BCORL1: variants seen among roughly 807,000 people sequenced by gnomAD.
BCORL1 encodes BCL-6 corepressor-like protein 1.
In BCORL1, 7 loss-of-function variants were observed where a neutral mutation model predicts 87.6. The observed-to-expected ratio is 0.08, with a 90% confidence interval of 0.05 to 0.15. The LOEUF (loss-of-function observed/expected upper bound fraction) is 0.15. Among genes scored for constraint, BCORL1 ranks in the 10% least tolerant of loss-of-function variants. BCORL1 has a pLI of 1.00. For missense variants in BCORL1, 1,215 were observed against 1,499.7 expected, an observed-to-expected ratio of 0.81 and a Z score of 3.13; for synonymous variants, 591 against 634.4, an observed-to-expected ratio of 0.93 and a Z score of 1.03.
chrX:129,994,560 C>T (rs1424675445), intron 1 of BCORL1, among the ~76,000 whole-genome samples: 2 of 43,502 alleles, frequency 4.6e-5, no homozygotes, highest in Non-Finnish European at 8.1e-5. Context: ...GAATGATAAA[C>T]GCTCATGTGT....
chrX:130,052,389 A>G (rs1189457131), intron 13 of BCORL1, among the ~76,000 whole-genome samples: 1 of 112,565 alleles, frequency 8.9e-6, no homozygotes, highest in Non-Finnish European at 1.9e-5. Flanking sequence ...TGGAAAAGCC[A>G]GGACATATGG....
At chrX:130,039,485 C>T (rs1343051648) in intron 11 of BCORL1, among the ~76,000 whole-genome samples, 2 of 112,868 alleles carry the variant, frequency 1.8e-5, no homozygotes, top group East Asian at 5.6e-4. Context: ...TATCCCCTTA[C>T]TGCAAGTGTG....
chrX:129,980,329 C>T (rs1350899471), upstream of BCORL1, among the ~76,000 whole-genome samples: 3 of 112,862 alleles, frequency 2.7e-5, no homozygotes, highest in Non-Finnish European at 3.8e-5. Context: ...CCGCTTCGCC[C>T]GCTTCCCCGG....
At chrX:130,054,665 G>A (rs889579565) in intron 13 of BCORL1, among the ~76,000 whole-genome samples, 4 of 110,602 alleles carry the variant, frequency 3.6e-5, no homozygotes, top group African/African-American at 9.9e-5. Flanking sequence ...TAATCCCAGC[G>A]CTTTGGGAGG....
intron 8 of BCORL1, among the ~76,000 whole-genome samples, chrX:130,030,825 G>A (rs1158915720): frequency 8.9e-6 from 1 of 112,191 alleles, no homozygotes; most frequent in Non-Finnish European, 1.9e-5. Context: ...TGGGTCCGCT[G>A]CAGTGTTCTC....
chrX:130,025,447 T>C, intron 7 of BCORL1, 68 bp downstream of exon 7: 1 of 1,016,127 alleles, frequency 9.8e-7, no homozygotes, highest in Non-Finnish European at 1.3e-6. Flanking sequence ...CGGGCATCTC[T>C]ACGCCAGCCA....
rs1264864793 is a variant in BCORL1, at chrX:130,041,301, GAGAC to G, written c.4840+2023_4840+2026del. On this transcript the variant is annotated intron_variant, in intron 11 of 13. Transcript: ENST00000540052. ...CTCAAAAAAAAAAAAAAAAAAAAAA[GAGAC>G]AGAGAGGAGAGAAATAAACACGTTT... Among the ~76,000 whole-genome samples the G allele has an allele frequency of 3.1e-3, 261 of 85,527 alleles. 9 individuals carry two copies. Among genetic ancestry groups the G allele is most frequent in the African/African-American group, 0.011 (231 of 21,317 alleles). The allele number at this position is 85,527 out of a possible 115,157, so 74.3% of individuals were successfully genotyped here.
intron 11 of BCORL1, among the ~76,000 whole-genome samples, chrX:130,044,114 A>G (rs888265051): frequency 6.5e-5 from 7 of 107,413 alleles, no homozygotes; most frequent in Non-Finnish European, 1.3e-4. Flanking sequence ...CATGTTGGCC[A>G]GGATGGTCTT....
chrX:130,027,780 G>C (rs771282022), intron 7 of BCORL1, among the ~76,000 whole-genome samples: 2 of 112,157 alleles, frequency 1.8e-5, no homozygotes, highest in African/African-American at 6.5e-5. Context: ...CTGAGGCTCA[G>C]AGCAATTAGG....
chrX:130,041,300 A>AG (rs1931299152), intron 11 of BCORL1, among the ~76,000 whole-genome samples: 3 of 101,954 alleles, frequency 2.9e-5, no homozygotes, highest in Non-Finnish European at 5.8e-5. Flanking sequence ...AAAAAAAAAA[A>AG]GAGACAGAGA....
At chrX:129,982,844 G>T (rs913118420) in intron 1 of BCORL1, 82 bp downstream of exon 1, 39 of 110,801 alleles carry the variant, frequency 3.5e-4, no homozygotes, top group African/African-American at 1.2e-3. Flanking sequence ...GTAAGAGGGA[G>T]CCCGGGTGGC....
At chrX:130,012,710 G>A (rs746644033) in intron 3 of BCORL1, 42 bp downstream of exon 3, 1 of 1,129,256 alleles carries the variant, frequency 8.9e-7, no homozygotes, top group East Asian at 3.0e-5. Flanking sequence ...ACCAAAGGAT[G>A]GAGCTGAGCT....
chrX:130,056,185 C>T lies in BCORL1; in HGVS notation c.*49C>T. 1 of 1,090,396 alleles carries T rather than the reference C, an allele frequency of 9.2e-7. No homozygotes were observed. Among genetic ancestry groups the T allele is most frequent in the Non-Finnish European group, 1.2e-6 (1 of 826,658 alleles). The allele number at this position is 1,090,396 out of a possible 1,213,427, so 89.9% of individuals were successfully genotyped here. A position where few individuals can be genotyped will look rare whatever the true frequency, so the allele number is the denominator to read the frequency against. On this transcript the variant is annotated 3_prime_UTR_variant, in exon 14 of 14. Transcript: ENST00000540052. ...CTTTCTCCTTCCGAGTTCGCCCTTC[C>T]CCCACCTCCTTGTCTTTCCCCGACC...
Position 130,021,049 on chromosome X carries a change from C to T in BCORL1, c.3506C>T (p.Ser1169Leu), listed in dbSNP as rs769316176. Reference protein sequence around the residue: ...TKKSPRGASDSGKEHNGVRGK... With the variant: ...TKKSPRGASDLGKEHNGVRGK... ...AAAAGCCCCAGGGGGGCTTCAGATT[C>T]AGGAAAAGAGCACAATGGAGTCAGG... The change falls in exon 5 of 14, where the codon TCA becomes TTA. Residue 1169 changes from serine to leucine, a missense_variant. This residue lies in a region of BCORL1 where 861 missense variants were observed against 1,010.0 expected (regional missense o/e 0.85). Transcript: ENST00000540052. 2.5e-6 allele frequency: 3 copies of T among 1,188,650 alleles called. No individual in the cohort carries two copies. In the South Asian group the frequency reaches 5.6e-5, roughly 22 times the overall value.
chrX:130,022,110 C>T (rs1176899349), intron 5 of BCORL1, among the ~76,000 whole-genome samples: 1 of 111,012 alleles, frequency 9.0e-6, no homozygotes, highest in Admixed American at 9.6e-5. Context: ...GCCGTTTTTT[C>T]TCTGTTCACT....
At position 130,013,768 on chromosome X, in the gene BCORL1, C is replaced by T. The variant is rs376127216; in HGVS notation, c.996C>T (p.Pro332=). 1.7e-5 allele frequency: 20 copies of T among 1,176,128 alleles called. No individual in the cohort carries two copies. Among genetic ancestry groups the T allele is most frequent in the African/African-American group, 7.2e-5 (4 of 55,834 alleles). Residue 332 remains proline, a synonymous_variant, in exon 4 of 14, where the codon CCC becomes CCT. Coordinates refer to ENST00000540052, the MANE Select transcript of BCORL1 (RefSeq NM_001379451.1). ...PPSAPTLVLA[P]VPTPVLAPMP... ...CAGCTCCGACCTTGGTTCTCGCTCC[C>T]GTCCCCACTCCGGTTCTGGCTCCCA...
chrX:130,014,505 C>T lies in BCORL1; in HGVS notation c.1733C>T (p.Pro578Leu), dbSNP rs753403101. 5.1e-5 allele frequency: 62 copies of T among 1,209,497 alleles called. No individual in the cohort carries two copies. The highest frequency in any genetic ancestry group is 4.2e-4 in the South Asian group (24 of 56,758). The change falls in exon 4 of 14, where the codon CCG becomes CTG. Residue 578 changes from proline (P) to leucine (L), a missense_variant. Around this residue, in one of 5 missense-constraint regions of BCORL1, gnomAD observed 861 missense variants for 1,010.0 expected, o/e 0.85. Transcript: ENST00000540052. ...LPAPSGSSAP[P>L]HPAKMPSGTE... The stretch of plus-strand genomic sequence containing the variant: ...GCCCCCAGTGGGAGCTCAGCCCCAC[C>T]GCACCCCGCCAAGATGCCCAGTGGC...
chrX:130,043,815 G>T, intron 11 of BCORL1, among the ~76,000 whole-genome samples: 1 of 70,323 alleles, frequency 1.4e-5, no homozygotes, highest in African/African-American at 6.1e-5. Flanking sequence ...TGAGACGGAG[G>T]CTGGAATGCA....
Position 130,013,839 on chromosome X carries a change from C to G in BCORL1, c.1067C>G (p.Pro356Arg). Residue 356 changes from proline to arginine, a missense_variant, in exon 4 of 14, where the codon CCC (proline) becomes CGC (arginine). Pro to Arg is a moderately radical substitution (Grantham distance 103). Around this residue, in one of 5 missense-constraint regions of BCORL1, gnomAD observed 861 missense variants for 1,010.0 expected, o/e 0.85. Transcript: ENST00000540052. ...PPAAPAPPSVPMPTPTPSSGP... is the reference protein window; with the variant it reads ...PPAAPAPPSVRMPTPTPSSGP... ...GCGGCCCCTGCCCCTCCGTCTGTGC[C>G]CATGCCCACTCCAACCCCATCTTCC... is the stretch of plus-strand genomic sequence containing the variant. 2 of 1,168,423 alleles carry G rather than the reference C, an allele frequency of 1.7e-6. No individual in the cohort carries two copies. The highest frequency in any genetic ancestry group is 2.3e-6 in the Non-Finnish European group (2 of 873,811).
Sources: allele counts gnomAD v4.1 joint callset (sites outside exome capture counted in the v4.1 genomes callset), GRCh38; gene constraint gnomAD v4.1.1; regional missense constraint gnomAD v4.1.1; transcripts MANE v1.5; gene names NCBI Gene and HGNC (gene_info 2026-07-23, HGNC 2026-07-21).